The following C2orf49 variants were observed in gnomAD, a reference collection of about 807,000 sequenced individuals.
C2orf49 encodes tRNA-splicing ligase complex subunit ASW.
In C2orf49, 11 loss-of-function variants were observed where a neutral mutation model predicts 20.6. The ratio of observed to expected loss-of-function variants is 0.53; its 90% CI spans 0.34 to 0.88. The LOEUF (loss-of-function observed/expected upper bound fraction) is 0.88. Ranked by LOEUF, C2orf49 falls within the 40% of genes least tolerant of loss-of-function variation. The pLI is 0.02. For missense variants in C2orf49, 289 were observed against 274.2 expected (o/e 1.05, Z -0.38); for synonymous variants, 134 against 108.5 (o/e 1.24, Z -1.46).
At chr2:105,383,374 G>T in the C2orf49 span, among the ~76,000 whole-genome samples, 2 of 152,168 alleles carry the variant, frequency 1.3e-5, no homozygotes, top group African/African-American at 4.8e-5. Context: ...TATTACACTG[G>T]CCATACAAAT....
chr2:105,361,402 C>T, the C2orf49 span: 1 of 1,614,066 alleles, frequency 6.2e-7, no homozygotes, highest in Non-Finnish European at 8.5e-7. Flanking sequence ...CACTGCCGTT[C>T]CTCAAAGGAG....
At chr2:105,343,308 G>C in intron 3 of C2orf49, 85 bp downstream of exon 3, 1 of 1,365,790 alleles carries the variant, frequency 7.3e-7, no homozygotes, top group Non-Finnish European at 9.9e-7. Flanking sequence ...TGGGTCGACT[G>C]TGCTACATTC....
At chr2:105,380,629 T>C in the C2orf49 span, among the ~76,000 whole-genome samples, 23,149 of 152,196 alleles carry the variant, frequency 0.15, 2,164 homozygotes, top group South Asian at 0.21. Flanking sequence ...TAGTACTCCA[T>C]TGTGAACAGC....
the C2orf49 span, among the ~76,000 whole-genome samples, chr2:105,356,556 CAG>C: frequency 3.3e-5 from 5 of 152,192 alleles, no homozygotes; most frequent in African/African-American, 1.2e-4. Context: ...GCCTGGGAAA[CAG>C]AGCGAGATCC....
chr2:105,344,477 A>C (rs938904471), intron 3 of C2orf49, among the ~76,000 whole-genome samples: 5 of 152,022 alleles, frequency 3.3e-5, no homozygotes, highest in African/African-American at 1.2e-4. Context: ...AGTGTGAGAG[A>C]GCTATATGTG....
the C2orf49 span, chr2:105,360,916 C>T: frequency 5.9e-6 from 1 of 168,814 alleles, no homozygotes; most frequent in East Asian, 1.7e-4. Context: ...AACAACTGGT[C>T]ATTACCTTAT....
At chr2:105,341,416 T>C (rs1410513327) in intron 2 of C2orf49, among the ~76,000 whole-genome samples, 1 of 152,208 alleles carries the variant, frequency 6.6e-6, no homozygotes, top group East Asian at 1.9e-4. Flanking sequence ...CTACTTATTA[T>C]TTTATCTGTG....
chr2:105,382,239 CTAA>C, the C2orf49 span, among the ~76,000 whole-genome samples: 170 of 152,366 alleles, frequency 1.1e-3, 3 homozygotes, highest in African/African-American at 3.9e-3. Flanking sequence ...TCATCACCAT[CTAA>C]AGGGGCCCAT....
chr2:105,379,926 T>C, the C2orf49 span, among the ~76,000 whole-genome samples: 2 of 152,208 alleles, frequency 1.3e-5, no homozygotes, highest in African/African-American at 4.8e-5. Flanking sequence ...CCAAATCCTA[T>C]TTGGAAACTC....
downstream of C2orf49, among the ~76,000 whole-genome samples, chr2:105,350,675 A>G (rs1679911360): frequency 6.6e-6 from 1 of 152,238 alleles, no homozygotes; most frequent in African/African-American, 2.4e-5. Context: ...TTTCATAAAT[A>G]TAAAACCATC....
chr2:105,361,082 C>T, the C2orf49 span: 5 of 468,548 alleles, frequency 1.1e-5, no homozygotes, highest in East Asian at 1.7e-4. Flanking sequence ...CACCTAGGGC[C>T]TAGGGCGAGT....
downstream of C2orf49, among the ~76,000 whole-genome samples, chr2:105,352,540 G>A (rs980966267): frequency 1.3e-5 from 2 of 148,846 alleles, 1 homozygote; most frequent in Non-Finnish European, 3.0e-5. Context: ...TGCCTCCTGG[G>A]TTCAAGCGAT....
chr2:105,355,935 TG>T, the C2orf49 span, among the ~76,000 whole-genome samples: 1 of 152,072 alleles, frequency 6.6e-6, no homozygotes, highest in African/African-American at 2.4e-5. Flanking sequence ...TGGCTGTGTT[TG>T]AATAAAACTT....
the C2orf49 span, among the ~76,000 whole-genome samples, chr2:105,354,687 G>T: frequency 6.6e-6 from 1 of 151,734 alleles, no homozygotes; most frequent in African/African-American, 2.4e-5. Context: ...AATTAAAAAA[G>T]AATTTTATAA....
chr2:105,383,802 A>G, the C2orf49 span, among the ~76,000 whole-genome samples: 1 of 152,256 alleles, frequency 6.6e-6, no homozygotes, highest in African/African-American at 2.4e-5. Context: ...TTGAAAGTCA[A>G]GAAAAGCACG....
chr2:105,348,527 C>T lies in C2orf49; in HGVS notation c.*3156C>T, dbSNP rs1679867453. Reference sequence around the variant, plus strand: ...AAGTAAAACTGCCAGTAGATTAAATCATATATATATATATATATATATATA... The same window carrying T: ...AAGTAAAACTGCCAGTAGATTAAATTATATATATATATATATATATATATA... On this transcript the variant is annotated 3_prime_UTR_variant, in exon 4 of 4. Transcript: ENST00000258457. 1 of 132,426 alleles carries T rather than the reference C, an allele frequency of 7.6e-6. No individual in the cohort carries two copies. Among genetic ancestry groups the T allele is most frequent in the Non-Finnish European group, 1.6e-5 (1 of 62,358 alleles). 8.2% of individuals were successfully genotyped at this position (132,426 alleles called of 1,614,324 possible).
At chr2:105,381,231 G>A in the C2orf49 span, among the ~76,000 whole-genome samples, 1 of 152,122 alleles carries the variant, frequency 6.6e-6, no homozygotes, top group Non-Finnish European at 1.5e-5. Flanking sequence ...TTTTCTGCTT[G>A]AGATCATCAG....
the C2orf49 span, among the ~76,000 whole-genome samples, chr2:105,368,768 C>T: frequency 2.0e-5 from 3 of 152,088 alleles, no homozygotes; most frequent in African/African-American, 7.2e-5. Context: ...TCCAGATAGG[C>T]GTATAAACAA....
At chr2:105,373,335 AAC>A in the C2orf49 span, among the ~76,000 whole-genome samples, 1 of 152,216 alleles carries the variant, frequency 6.6e-6, no homozygotes, top group Admixed American at 6.5e-5. Context: ...TTGACTGCAT[AAC>A]ACTGCCCCAC....
Sources: allele counts gnomAD v4.1 joint callset (sites outside exome capture counted in the v4.1 genomes callset), GRCh38; gene constraint gnomAD v4.1.1; transcripts MANE v1.5; gene names NCBI Gene and HGNC (gene_info 2026-07-23, HGNC 2026-07-21).